Variants in SCFD1 observed in about 807,000 individuals in gnomAD.
SCFD1 encodes sec1 family domain-containing protein 1.
SCFD1 carries 37 observed loss-of-function variants against 103.2 expected under a neutral mutation model. That is an observed-to-expected ratio of 0.36 (90% CI 0.28 to 0.47). The LOEUF is 0.47. Ranked by LOEUF, SCFD1 falls within the 20% of genes least tolerant of loss-of-function variation. SCFD1 has a pLI of 1.00. For synonymous variants in SCFD1, 264 were observed against 245.0 expected, an observed-to-expected ratio of 1.08 and a Z score of -0.73; for missense variants, 639 against 761.2, an observed-to-expected ratio of 0.84 and a Z score of 1.89.
chr14:30,637,573 T>G (rs1293882333), intron 4 of SCFD1, among the ~76,000 whole-genome samples: 1 of 152,134 alleles, frequency 6.6e-6, no homozygotes, highest in Non-Finnish European at 1.5e-5. Context: ...AATGACATCT[T>G]AGATTTAAGG....
chr14:30,660,720 G>C (rs1202287047), intron 10 of SCFD1, among the ~76,000 whole-genome samples: 3 of 151,922 alleles, frequency 2.0e-5, no homozygotes, highest in Non-Finnish European at 4.4e-5. Flanking sequence ...AATCAATAAA[G>C]TCATTTGTTT....
chr14:30,674,867 C>T lies in SCFD1; in HGVS notation c.1161-117C>T, dbSNP rs1403209850. 9 of 500,388 alleles carry T rather than the reference C, an allele frequency of 1.8e-5. No individual in the cohort carries two copies. In the East Asian group the frequency reaches 3.0e-4, roughly 17 times the overall value. 31.0% of individuals were successfully genotyped at this position (500,388 alleles called of 1,614,324 possible). A position where few individuals can be genotyped will look rare whatever the true frequency, so the allele number is the denominator to read the frequency against. ...TAAATTAGTTGATAGTTTAATTCGT[C>T]ATCTTGTTACTGTTTCACTGTTCTG... On this transcript the variant is annotated intron_variant, in intron 13 of 24. Transcript: ENST00000458591.
intron 17 of SCFD1, among the ~76,000 whole-genome samples, chr14:30,704,886 G>A (rs904514380): frequency 6.6e-6 from 1 of 152,102 alleles, no homozygotes; most frequent in Non-Finnish European, 1.5e-5. Context: ...TGTTAAATAG[G>A]CATATGTCCT....
chr14:30,722,778 T>C (rs1308623642), intron 23 of SCFD1: 1 of 339,082 alleles, frequency 2.9e-6, no homozygotes, highest in Non-Finnish European at 5.3e-6. Flanking sequence ...ATGTATCTTA[T>C]TGATATAATG....
chr14:30,626,596 A>G (rs900883951), intron 1 of SCFD1, among the ~76,000 whole-genome samples: 5 of 152,090 alleles, frequency 3.3e-5, no homozygotes, highest in Non-Finnish European at 7.4e-5. Flanking sequence ...TATATAAACC[A>G]CTTTTTGCAT....
chr14:30,622,272 CG>C, upstream of SCFD1: 4 of 1,580,306 alleles, frequency 2.5e-6, no homozygotes, highest in South Asian at 1.1e-5. Flanking sequence ...GCTTCCGGGG[CG>C]GTAAGGGCAG....
rs138876325 is a variant in SCFD1, at chr14:30,733,975, T to C, written c.1837-815T>C. ...TGCCTGTTAGCCACAAGAATCCCAATTATATGACCCATATACCATCTCATT... is the reference window on the plus strand; with the variant it reads ...TGCCTGTTAGCCACAAGAATCCCAACTATATGACCCATATACCATCTCATT... On this transcript the variant is annotated intron_variant, in intron 23 of 24. Coordinates refer to ENST00000458591, the MANE Select transcript of SCFD1 (RefSeq NM_016106.4). Among the ~76,000 whole-genome samples the C allele has an allele frequency of 1.8e-3, 279 of 152,288 alleles. 2 individuals are homozygous for C. The highest frequency in any genetic ancestry group is 6.6e-3 in the African/African-American group (274 of 41,546).
intron 21 of SCFD1, among the ~76,000 whole-genome samples, chr14:30,720,932 G>T (rs1167151732): frequency 1.3e-5 from 2 of 152,138 alleles, no homozygotes; most frequent in African/African-American, 2.4e-5. Context: ...TAATGAGGAA[G>T]AATATTAGCA....
At chr14:30,641,359 G>C (rs571530802) in intron 6 of SCFD1, among the ~76,000 whole-genome samples, 1 of 152,294 alleles carries the variant, frequency 6.6e-6, no homozygotes, top group South Asian at 2.1e-4. Context: ...GTTATCTCAA[G>C]TTGAGGTTAT....
At chr14:30,720,469 T>C (rs1892577570) in intron 21 of SCFD1, among the ~76,000 whole-genome samples, 1 of 152,190 alleles carries the variant, frequency 6.6e-6, no homozygotes, top group African/African-American at 2.4e-5. Flanking sequence ...TTTCCTTCCT[T>C]GCATTTAGCT....
At chr14:30,624,669 C>T (rs1883202811) in intron 1 of SCFD1, among the ~76,000 whole-genome samples, 1 of 152,172 alleles carries the variant, frequency 6.6e-6, no homozygotes, top group Admixed American at 6.5e-5. Context: ...ATTTTTCACA[C>T]AGTACCCAAA....
chr14:30,683,035 G>T, intron 14 of SCFD1: 1 of 1,329,106 alleles, frequency 7.5e-7, no homozygotes, highest in South Asian at 1.2e-5. Flanking sequence ...GACAGGCTGG[G>T]CAGCCTGGGT....
intron 7 of SCFD1, among the ~76,000 whole-genome samples, chr14:30,645,985 T>C (rs1239892882): frequency 1.3e-5 from 2 of 152,118 alleles, no homozygotes; most frequent in African/African-American, 4.8e-5. Context: ...TTTTGAGGTA[T>C]GTTTCTTCAT....
chr14:30,708,139 G>A, intron 19 of SCFD1, 74 bp downstream of exon 19: 2 of 910,954 alleles, frequency 2.2e-6, no homozygotes, highest in Non-Finnish European at 3.6e-6. Flanking sequence ...CTCAGGTAAA[G>A]CAACTCCTGG....
chr14:30,670,475 A>C, intron 11 of SCFD1, 80 bp downstream of exon 11: 1 of 1,041,230 alleles, frequency 9.6e-7, no homozygotes, highest in Non-Finnish European at 1.4e-6. Context: ...GAATTTGAGA[A>C]AAAAAAGGGT....
At chr14:30,624,997 ATTACACC>A (rs1220409557) in intron 1 of SCFD1, among the ~76,000 whole-genome samples, 4 of 152,144 alleles carry the variant, frequency 2.6e-5, no homozygotes, top group Non-Finnish European at 5.9e-5. Flanking sequence ...TCTGTTTAAA[ATTACACC>A]TCAACTCCAT....
At chr14:30,644,644 C>T (rs547504726) in intron 7 of SCFD1, among the ~76,000 whole-genome samples, 3 of 152,152 alleles carry the variant, frequency 2.0e-5, no homozygotes, top group East Asian at 1.9e-4. Context: ...CACGTATGTC[C>T]TTTTGTTTTT....
At chr14:30,634,547 A>T (rs1378901116) in intron 4 of SCFD1, among the ~76,000 whole-genome samples, 1 of 152,156 alleles carries the variant, frequency 6.6e-6, no homozygotes, top group African/African-American at 2.4e-5. Flanking sequence ...TTGGAAAATA[A>T]CCCCTGCAAA....
intron 10 of SCFD1, among the ~76,000 whole-genome samples, chr14:30,669,206 A>G (rs555058044): frequency 6.6e-6 from 1 of 152,246 alleles, no homozygotes; most frequent in Admixed American, 6.5e-5. Flanking sequence ...TATCTAAAGG[A>G]GACTGAATTG....
Sources: allele counts gnomAD v4.1 joint callset (sites outside exome capture counted in the v4.1 genomes callset), GRCh38; gene constraint gnomAD v4.1.1; transcripts MANE v1.5; gene names NCBI Gene and HGNC (gene_info 2026-07-23, HGNC 2026-07-21).